Variants in NOTCH4 observed in about 807,000 individuals in gnomAD.
NOTCH4 encodes the protein neurogenic locus notch homolog protein 4.
NOTCH4 carries 138 observed loss-of-function variants against 189.0 expected under a neutral mutation model. That is an observed-to-expected ratio of 0.73 (90% CI 0.64 to 0.84). NOTCH4 has a LOEUF of 0.84. Ranked by LOEUF, NOTCH4 falls within the 40% of genes least tolerant of loss-of-function variation. The probability of loss-of-function intolerance (pLI) is 0.00; values close to 1 mark genes in which losing one functional copy is unlikely to be tolerated. For synonymous variants in NOTCH4, 942 were observed against 1,032.8 expected (o/e 0.91, Z 1.69); for missense variants, 2,286 against 2,605.4 (o/e 0.88, Z 2.67).
At chr6:32,214,394 C>T in intron 12 of NOTCH4, 139 bp from the exon 13 acceptor site, 1 of 817,454 alleles carries the variant, frequency 1.2e-6, no homozygotes, top group Middle Eastern at 3.5e-4. Context: ...TTGCTCTCAG[C>T]ACCGCCCCCA....
chr6:32,213,909 T>C, intron 13 of NOTCH4, 69 bp from the exon 14 acceptor site: 1 of 1,565,736 alleles, frequency 6.4e-7, no homozygotes. Context: ...TTCTCTTTCC[T>C]CTTCCTTCCC....
At chr6:32,214,484 T>TACAC (rs9281674) in intron 12 of NOTCH4, among the ~76,000 whole-genome samples, 9 of 141,246 alleles carry the variant, frequency 6.4e-5, no homozygotes, top group African/African-American at 1.7e-4. Context: ...TATATATATA[T>TACAC]ACACACATAT....
chr6:32,199,230 C>T lies in NOTCH4; in HGVS notation c.4316-85G>A. ...GGAGACCTTTGGACAAGTTTAGTAG[C>T]CGGTCTTTGCCTCGGTTTCCTTATC... On this transcript the variant is annotated intron_variant, in intron 23 of 29. Transcript: ENST00000375023. The surrounding 1 kb of genome is among the most constrained non-coding windows in gnomAD (Gnocchi z 4.9). The T allele has an allele frequency of 9.5e-7, 1 of 1,049,580 alleles. No individual in the cohort carries two copies. Among genetic ancestry groups the T allele is most frequent in the Non-Finnish European group, 1.4e-6 (1 of 740,578 alleles). The allele number at this position is 1,049,580 out of a possible 1,614,324, so 65.0% of individuals were successfully genotyped here. A position where few individuals can be genotyped will look rare whatever the true frequency, so the allele number is the denominator to read the frequency against.
At position 32,197,472 on chromosome 6, in the gene NOTCH4, G is replaced by C. The variant is rs2127461382; in HGVS notation, c.4879C>G (p.Gln1627Glu). 1 of 1,592,202 alleles carries C rather than the reference G, an allele frequency of 6.3e-7. No individual in the cohort carries two copies. Among genetic ancestry groups the C allele is most frequent in the Non-Finnish European group, 8.5e-7 (1 of 1,169,708 alleles). Residue 1627 changes from glutamine to glutamate, a missense_variant, in exon 27 of 30, where the codon CAG becomes GAG. Around this residue, in one of 2 missense-constraint regions of NOTCH4, gnomAD observed 1,903 missense variants for 2,261.9 expected, o/e 0.84. Coordinates refer to ENST00000375023, the MANE Select transcript of NOTCH4 (RefSeq NM_004557.4). ...TCCCCAGTGCCCACGGTGTGAGCCTGGGGACAGGCCCCTCCATCCAGCAGA... is the reference window on the plus strand; with the variant it reads ...TCCCCAGTGCCCACGGTGTGAGCCTCGGGACAGGCCCCTCCATCCAGCAGA... ...EPLLDGGACPQAHTVGTGETP... is the reference protein window; with the variant it reads ...EPLLDGGACPEAHTVGTGETP...
intron 18 of NOTCH4, among the ~76,000 whole-genome samples, chr6:32,205,183 G>C (rs1788595651): frequency 6.6e-6 from 1 of 151,518 alleles, no homozygotes; most frequent in Non-Finnish European, 1.5e-5. Context: ...AATTCACAGA[G>C]AATCCAAGGA....
In NOTCH4 at chr6:32,223,962, C is replaced by G. The variant is rs1434430492; in HGVS notation, c.-34G>C. The G allele has an allele frequency of 1.9e-6, 3 of 1,574,826 alleles. No homozygotes were observed. The highest frequency in any genetic ancestry group is 2.6e-6 in the Non-Finnish European group (3 of 1,168,222). On this transcript the variant is annotated 5_prime_UTR_variant, in exon 1 of 30. Transcript: ENST00000375023. The stretch of plus-strand genomic sequence containing the variant: ...CCCTTCTCCAAGCCCCGGTCCCTGT[C>G]CCTCTTCAGGCAGGGACCCTCAGAG...
rs206019 is a variant in NOTCH4, at chr6:32,212,464, C to T, written c.2680+10G>A. ...TCATTTGCTCTCCAGTCAGTGCCGG[C>T]GTTGGTTACCTTGGCTCAGTGCAGC... On this transcript the variant is annotated intron_variant, in intron 17 of 29. Transcript: ENST00000375023. The surrounding 1 kb of genome is among the most constrained non-coding windows in gnomAD (Gnocchi z 4.4). 0.13 allele frequency: 204,860 copies of T among 1,597,558 alleles called. 15,016 individuals are homozygous for T. Among genetic ancestry groups the T allele is most frequent in the East Asian group, 0.3 (13,594 of 44,704 alleles).
In NOTCH4 at chr6:32,200,818, A is replaced by AG. The variant is rs1489574292; in HGVS notation, c.4315+12dup. The AG allele has an allele frequency of 4.4e-6, 7 of 1,586,192 alleles. No individual in the cohort carries two copies. The highest frequency in any genetic ancestry group is 6.0e-6 in the Non-Finnish European group (7 of 1,167,110). ...GGAACAGAGGTCAGAGAAAGTGGCA[A>AG]GGGGTCACCTACCGGTCCCTGCATG... On this transcript the variant is annotated intron_variant, in intron 23 of 29. Transcript: ENST00000375023. This position sits in a 1 kb window ranked among gnomAD's most constrained non-coding sequence, Gnocchi z 5.0.
chr6:32,196,230 A>G (rs186698039), intron 29 of NOTCH4, 80 bp from the exon 30 acceptor site: 1 of 1,609,990 alleles, frequency 6.2e-7, no homozygotes, highest in East Asian at 2.2e-5. Context: ...TTGCGCGACC[A>G]CTGGCCCCTA....
chr6:32,212,323 C>G lies in NOTCH4; in HGVS notation c.2680+151G>C, dbSNP rs1789071654. On this transcript the variant is annotated intron_variant, in intron 17 of 29. Transcript: ENST00000375023. This position sits in a 1 kb window ranked among gnomAD's most constrained non-coding sequence, Gnocchi z 4.4. ...GCTTCTCTGATTGCACAATTCAACA[C>G]CTCTGCAATCAAGAACTGATTTGTC... 1.4e-6 allele frequency: 1 copy of G among 707,264 alleles called. No individual in the cohort carries two copies. Among genetic ancestry groups the G allele is most frequent in the African/African-American group, 1.8e-5 (1 of 56,374 alleles). 43.8% of individuals were successfully genotyped at this position (707,264 alleles called of 1,614,324 possible).
chr6:32,195,856 A>C lies in NOTCH4; in HGVS notation c.5593T>G (p.Ser1865Ala). The change falls in exon 30 of 30, where the codon TCA becomes GCA. Residue 1865 changes from serine (S) to alanine (A), a missense_variant. Ser to Ala is a moderately conservative substitution (Grantham distance 99, BLOSUM62 1). Around this residue, in one of 2 missense-constraint regions of NOTCH4, gnomAD observed 383 missense variants for 343.5 expected, o/e 1.11. Coordinates refer to ENST00000375023, the MANE Select transcript of NOTCH4 (RefSeq NM_004557.4). This position sits in a 1 kb window ranked among gnomAD's most constrained non-coding sequence, Gnocchi z 5.4. ...CCCCCACGAGGGCCTGCTCCGGCTG[A>C]CAGCGTCCGGCAGCGCGGCAGAGCC... ...GGALPRCRTL[S>A]AGAGPRGGGA... 6.3e-7 allele frequency: 1 copy of C among 1,596,378 alleles called. No homozygotes were observed. Among genetic ancestry groups the C allele is most frequent in the Non-Finnish European group, 8.5e-7 (1 of 1,178,068 alleles).
At position 32,212,639 on chromosome 6, in the gene NOTCH4, G is replaced by C; in HGVS notation, c.2527-12C>G. 6.2e-7 allele frequency: 1 copy of C among 1,604,270 alleles called. No individual in the cohort carries two copies. Among genetic ancestry groups the C allele is most frequent in the South Asian group, 1.1e-5 (1 of 89,298 alleles). ...AAGTCCATCAGAGTCTGAGGGGTGGGAGGGAGCGTGAGGCAGGACATAGCA... is the reference window on the plus strand; with the variant it reads ...AAGTCCATCAGAGTCTGAGGGGTGGCAGGGAGCGTGAGGCAGGACATAGCA... On this transcript the variant is annotated splice_polypyrimidine_tract_variant and intron_variant, in intron 16 of 29. Coordinates refer to ENST00000375023, the MANE Select transcript of NOTCH4 (RefSeq NM_004557.4). The surrounding 1 kb of genome is among the most constrained non-coding windows in gnomAD (Gnocchi z 4.4).
rs2127477276 is a variant in NOTCH4, at chr6:32,212,527, C to T, written c.2627G>A (p.Gly876Glu). Reference protein sequence around the residue: ...FHCLCLQGWTGPLCNLPLSSC... With the variant: ...FHCLCLQGWTEPLCNLPLSSC... ...GGACAGTGGAAGGTTGCAGAGAGGCCCGGTCCATCCCTGGAGGCACAAGCA... is the reference window on the plus strand; with the variant it reads ...GGACAGTGGAAGGTTGCAGAGAGGCTCGGTCCATCCCTGGAGGCACAAGCA... Residue 876 changes from glycine (G) to glutamate (E), a missense_variant, in exon 17 of 30, where the codon GGG becomes GAG. Gly to Glu is a moderately conservative substitution (Grantham distance 98). This residue lies in a region of NOTCH4 where 1,903 missense variants were observed against 2,261.9 expected (regional missense o/e 0.84). Transcript: ENST00000375023. The surrounding 1 kb of genome is among the most constrained non-coding windows in gnomAD (Gnocchi z 4.4). 6.2e-7 allele frequency: 1 copy of T among 1,613,118 alleles called. No individual in the cohort carries two copies. The highest frequency in any genetic ancestry group is 8.5e-7 in the Non-Finnish European group (1 of 1,179,984).
chr6:32,197,587 C>T lies in NOTCH4; in HGVS notation c.4764G>A (p.Val1588=), dbSNP rs1421413304. The T allele has an allele frequency of 3.1e-6, 5 of 1,610,238 alleles. No homozygotes were observed. Among genetic ancestry groups the T allele is most frequent in the Non-Finnish European group, 4.2e-6 (5 of 1,178,366 alleles). The part of the protein sequence containing the change: ...PDLDTRGPDG[V]TPLMSAVCCG... ...AGCAAACTGCTGACATCAGGGGTGTCACCCCATCTGTTGGTAAGACAGAGT... is the reference window on the plus strand; with the variant it reads ...AGCAAACTGCTGACATCAGGGGTGTTACCCCATCTGTTGGTAAGACAGAGT... Residue 1588 remains valine, a synonymous_variant, in exon 27 of 30, where the codon GTG becomes GTA. Transcript: ENST00000375023.
At chr6:32,218,318 G>A (rs927248943) in intron 8 of NOTCH4, among the ~76,000 whole-genome samples, 1 of 152,230 alleles carries the variant, frequency 6.6e-6, no homozygotes, top group African/African-American at 2.4e-5. Context: ...CCAGGGAACA[G>A]GGTGCTTGCT....
At position 32,203,862 on chromosome 6, in the gene NOTCH4, T is replaced by C; in HGVS notation, c.3139A>G (p.Ile1047Val). 1.3e-6 allele frequency: 2 copies of C among 1,557,768 alleles called. No individual in the cohort carries two copies. Among genetic ancestry groups the C allele is most frequent in the Non-Finnish European group, 1.7e-6 (2 of 1,150,368 alleles). The change falls in exon 20 of 30, where the codon ATA becomes GTA. Residue 1047 changes from isoleucine (I) to valine (V), a missense_variant. Physicochemically the swap from Ile to Val is conservative, Grantham distance 29. Coordinates refer to ENST00000375023, the MANE Select transcript of NOTCH4 (RefSeq NM_004557.4). The stretch of plus-strand genomic sequence containing the variant: ...CAGGGTTGGCTGTGGCAGGGGTCTA[T>C]CTCCACCTCACACCACTGGCCTGTA... ...GHTGQWCEVE[I>V]DPCHSQPCFH...
In NOTCH4 at chr6:32,200,240, T is replaced by C. The variant is rs140671051; in HGVS notation, c.4315+591A>G. Among the ~76,000 whole-genome samples, 3,083 of 151,222 alleles carry C rather than the reference T, an allele frequency of 0.02. 92 individuals carry two copies. The highest frequency in any genetic ancestry group is 0.11 in the East Asian group (551 of 5,116). Reference sequence around the variant, plus strand: ...CTTTTTTTTTTTTTGAGATGGAGTCTCCCTCTGTCGCCCAGGCTGGAGTGC... The same window carrying C: ...CTTTTTTTTTTTTTGAGATGGAGTCCCCCTCTGTCGCCCAGGCTGGAGTGC... On this transcript the variant is annotated intron_variant, in intron 23 of 29. Coordinates refer to ENST00000375023, the MANE Select transcript of NOTCH4 (RefSeq NM_004557.4). The surrounding 1 kb of genome is among the most constrained non-coding windows in gnomAD (Gnocchi z 5.0).
Position 32,220,400 on chromosome 6 carries a change from C to G in NOTCH4, c.1159+5G>C. 1.9e-6 allele frequency: 3 copies of G among 1,614,044 alleles called. No individual in the cohort carries two copies. Among genetic ancestry groups the G allele is most frequent in the Non-Finnish European group, 2.5e-6 (3 of 1,179,892 alleles). On this transcript the variant is annotated splice_donor_5th_base_variant and intron_variant, in intron 6 of 29. Transcript: ENST00000375023. ...CCCACCTCCTGATACCCTCTACCCC[C>G]ATACCTGTGCGTCCAGGTGGGCAGA...
chr6:32,215,843 T>C (rs199685463), intron 11 of NOTCH4: 11 of 129,296 alleles, frequency 8.5e-5, no homozygotes, highest in South Asian at 2.3e-4. Context: ...TCCTTCCTTC[T>C]TTCCTTCCTT....
Sources: gnomAD v4.1 joint callset for allele counts (sites outside exome capture counted in the v4.1 genomes callset) on GRCh38, gnomAD v4.1.1 for gene constraint, gnomAD v4.1.1 regional missense constraint, Gnocchi (gnomAD v3.1) non-coding constraint, MANE v1.5 for transcripts, NCBI Gene and HGNC (gene_info 2026-07-23, HGNC 2026-07-21) for gene names.